PPARGC1A: variants seen among roughly 807,000 people sequenced by gnomAD.
PPARGC1A encodes PPARG coactivator 1 alpha, also known as peroxisome proliferator-activated receptor gamma coactivator 1-alpha.
A neutral mutation model predicts 88.7 loss-of-function variants in PPARGC1A; 25 were observed. The observed-to-expected ratio is 0.28, with a 90% CI of 0.21 to 0.39. The LOEUF (loss-of-function observed/expected upper bound fraction) is 0.39, where lower values mean the gene tolerates loss of function less well. Ranked by LOEUF, PPARGC1A falls within the 10% of genes least tolerant of loss-of-function variation. The pLI is 1.00. For synonymous variants in PPARGC1A, 363 were observed against 355.6 expected, an observed-to-expected ratio of 1.02 and a Z score of -0.24; for missense variants, 880 against 968.7, an observed-to-expected ratio of 0.91 and a Z score of 1.22.
the PPARGC1A span, among the ~76,000 whole-genome samples, chr4:24,438,066 G>A: frequency 2.0e-5 from 3 of 152,180 alleles, no homozygotes; most frequent in Non-Finnish European, 4.4e-5. Context: ...GACAGATCCA[G>A]CAAGAGGACA....
At chr4:24,378,474 C>T in the PPARGC1A span, among the ~76,000 whole-genome samples, 3 of 151,230 alleles carry the variant, frequency 2.0e-5, no homozygotes, top group South Asian at 6.2e-4. Context: ...ACTTCAATAA[C>T]CATGGTTAAA....
At chr4:24,251,871 G>A in the PPARGC1A span, among the ~76,000 whole-genome samples, 52 of 152,156 alleles carry the variant, frequency 3.4e-4, no homozygotes, top group East Asian at 3.9e-4. Context: ...GCACCCTCTC[G>A]GCTCCCTTGG....
chr4:24,235,407 A>T, the PPARGC1A span, among the ~76,000 whole-genome samples: 1 of 152,186 alleles, frequency 6.6e-6, no homozygotes, highest in Non-Finnish European at 1.5e-5. Context: ...ATTTGTAAGG[A>T]GGATTTTTCC....
the PPARGC1A span, among the ~76,000 whole-genome samples, chr4:24,056,180 T>A: frequency 1.3e-5 from 2 of 152,214 alleles, no homozygotes; most frequent in South Asian, 2.1e-4. Flanking sequence ...CAGGTGGGAA[T>A]GAAATGCGTA....
At chr4:24,224,434 C>T in the PPARGC1A span, among the ~76,000 whole-genome samples, 1 of 152,206 alleles carries the variant, frequency 6.6e-6, no homozygotes, top group African/African-American at 2.4e-5. Flanking sequence ...ACACATCATA[C>T]AGGTTCTTGT....
rs890343436 is a variant in PPARGC1A, at chr4:23,832,917, A to C, written c.235-1166T>G. Among the ~76,000 whole-genome samples the C allele has an allele frequency of 2.1e-5, 3 of 140,980 alleles. No individual in the cohort carries two copies. In the East Asian group the frequency reaches 5.9e-4, roughly 28 times the overall value. The allele number at this position is 140,980 out of a possible 152,430, so 92.5% of individuals were successfully genotyped here. A position where few individuals can be genotyped will look rare whatever the true frequency, so the allele number is the denominator to read the frequency against. On this transcript the variant is annotated intron_variant, in intron 2 of 12. Coordinates refer to ENST00000264867, the MANE Select transcript of PPARGC1A (RefSeq NM_013261.5). ...GAGCTACTGCGCCCGGCCCCAGTGC[A>C]CTATTATTTCTAATAGTGGCTCCTG...
chr4:24,394,801 A>G, the PPARGC1A span, among the ~76,000 whole-genome samples: 1 of 152,228 alleles, frequency 6.6e-6, no homozygotes, highest in Non-Finnish European at 1.5e-5. Flanking sequence ...ATGATACACC[A>G]TCACTTGTAA....
At chr4:24,003,549 G>C in the PPARGC1A span, among the ~76,000 whole-genome samples, 1 of 152,140 alleles carries the variant, frequency 6.6e-6, no homozygotes. Flanking sequence ...CCGATTTCAG[G>C]TGTCAAGGAG....
the PPARGC1A span, among the ~76,000 whole-genome samples, chr4:23,944,480 C>T: frequency 1.3e-5 from 2 of 152,140 alleles, no homozygotes; most frequent in African/African-American, 4.8e-5. Flanking sequence ...TAACACCGAC[C>T]AGGTACTTAA....
At chr4:24,381,136 G>T in the PPARGC1A span, among the ~76,000 whole-genome samples, 1 of 152,208 alleles carries the variant, frequency 6.6e-6, no homozygotes, top group African/African-American at 2.4e-5. Context: ...GAGGTCATGG[G>T]AGCTGAGGAG....
At chr4:24,462,946 C>T in the PPARGC1A span, among the ~76,000 whole-genome samples, 5 of 151,872 alleles carry the variant, frequency 3.3e-5, no homozygotes, top group African/African-American at 1.2e-4. Flanking sequence ...GGAGCAGAGT[C>T]CCTTCTGCAC....
At chr4:23,921,224 G>A in the PPARGC1A span, among the ~76,000 whole-genome samples, 1 of 152,152 alleles carries the variant, frequency 6.6e-6, no homozygotes, top group Non-Finnish European at 1.5e-5. Context: ...TTTGTACCCT[G>A]GGAAAACAGT....
At chr4:23,982,019 T>C in the PPARGC1A span, among the ~76,000 whole-genome samples, 1 of 152,218 alleles carries the variant, frequency 6.6e-6, no homozygotes, top group South Asian at 2.1e-4. Context: ...GCAAGAAGTT[T>C]TGACTCACAC....
chr4:24,157,272 G>T, the PPARGC1A span, among the ~76,000 whole-genome samples: 1 of 152,148 alleles, frequency 6.6e-6, no homozygotes. Context: ...CTGCAGTTAA[G>T]ATTCAGCTCT....
At chr4:24,209,113 G>A in the PPARGC1A span, among the ~76,000 whole-genome samples, 2 of 152,142 alleles carry the variant, frequency 1.3e-5, no homozygotes, top group Admixed American at 1.3e-4. Flanking sequence ...AATCAGATGT[G>A]ATATGCATGG....
chr4:24,288,945 G>A, the PPARGC1A span, among the ~76,000 whole-genome samples: 2 of 152,286 alleles, frequency 1.3e-5, no homozygotes, highest in East Asian at 3.9e-4. Flanking sequence ...GTTAGGGCCA[G>A]GTGTGGTGGC....
chr4:24,121,095 C>T, the PPARGC1A span, among the ~76,000 whole-genome samples: 3 of 152,186 alleles, frequency 2.0e-5, no homozygotes, highest in Non-Finnish European at 4.4e-5. Context: ...TAATAACAGC[C>T]TGGCAAGGTT....
the PPARGC1A span, among the ~76,000 whole-genome samples, chr4:24,169,359 T>C: frequency 4.3e-4 from 65 of 152,034 alleles, no homozygotes; most frequent in African/African-American, 1.4e-3. Context: ...AGAAAAAGGA[T>C]GTGAGGTATA....
At chr4:24,323,389 C>G in the PPARGC1A span, among the ~76,000 whole-genome samples, 1 of 152,148 alleles carries the variant, frequency 6.6e-6, no homozygotes, top group Admixed American at 6.5e-5. Context: ...AGTGAAAAGG[C>G]CCTGCCCCGC....
Sources: allele counts gnomAD v4.1 joint callset (sites outside exome capture counted in the v4.1 genomes callset), GRCh38; gene constraint gnomAD v4.1.1; transcripts MANE v1.5; gene names NCBI Gene and HGNC (gene_info 2026-07-23, HGNC 2026-07-21).